ETV6: variants seen among roughly 807,000 people sequenced by gnomAD.
The protein encoded by ETV6 is transcription factor ETV6.
ETV6 carries 16 observed loss-of-function variants against 51.1 expected under a neutral mutation model. That is an observed-to-expected ratio of 0.31 (90% confidence interval 0.21 to 0.48). The LOEUF (loss-of-function observed/expected upper bound fraction) is 0.48. Ranked by LOEUF, ETV6 falls within the 20% of genes least tolerant of loss-of-function variation. The pLI is 0.99. For missense variants in ETV6, 458 were observed against 594.8 expected, an observed-to-expected ratio of 0.77 and a Z score of 2.39; for synonymous variants, 240 against 224.1, an observed-to-expected ratio of 1.07 and a Z score of -0.64.
At chr12:11,882,950 C>T (rs1053163985) in intron 5 of ETV6, among the ~76,000 whole-genome samples, 1 of 152,224 alleles carries the variant, frequency 6.6e-6, no homozygotes, top group African/African-American at 2.4e-5. Context: ...CTTGTGACCT[C>T]AGGCAAGTTA....
intron 2 of ETV6, among the ~76,000 whole-genome samples, chr12:11,799,665 C>T (rs149664004): frequency 3.5e-4 from 53 of 152,308 alleles, no homozygotes; most frequent in South Asian, 2.9e-3. Flanking sequence ...AATGCCATTA[C>T]GAAATGAAGT....
At chr12:11,812,620 G>T (rs189034970) in intron 2 of ETV6, among the ~76,000 whole-genome samples, 2 of 152,114 alleles carry the variant, frequency 1.3e-5, no homozygotes, top group South Asian at 2.1e-4. Flanking sequence ...TCTTACCAGA[G>T]GCGGGTCTCT....
chr12:11,852,791 C>G (rs375138950), intron 3 of ETV6, among the ~76,000 whole-genome samples: 3 of 152,362 alleles, frequency 2.0e-5, no homozygotes, highest in African/African-American at 7.2e-5. Flanking sequence ...AAGCCCGCTT[C>G]TAACTATAGA....
intron 2 of ETV6, among the ~76,000 whole-genome samples, chr12:11,761,636 C>T (rs941826282): frequency 2.2e-4 from 34 of 152,230 alleles, no homozygotes; most frequent in African/African-American, 8.0e-4. Context: ...ACCCACATGG[C>T]ATGTGTGCCA....
At chr12:11,729,030 T>C (rs1268292590) in intron 1 of ETV6, among the ~76,000 whole-genome samples, 1 of 152,256 alleles carries the variant, frequency 6.6e-6, no homozygotes, top group African/African-American at 2.4e-5. Context: ...CACTTTGACA[T>C]ACATTCTCTA....
At chr12:11,752,134 A>T (rs770665697) in intron 1 of ETV6, among the ~76,000 whole-genome samples, 1 of 152,126 alleles carries the variant, frequency 6.6e-6, no homozygotes, top group African/African-American at 2.4e-5. Flanking sequence ...ATTCTCGCGG[A>T]CGTATTTTTT....
At chr12:11,737,459 G>A (rs748621672) in intron 1 of ETV6, among the ~76,000 whole-genome samples, 32 of 152,230 alleles carry the variant, frequency 2.1e-4, no homozygotes, top group Non-Finnish European at 4.7e-4. Context: ...GGGTCATATG[G>A]AGATTTTTAT....
intron 2 of ETV6, among the ~76,000 whole-genome samples, chr12:11,824,477 A>G (rs1946124870): frequency 6.6e-6 from 1 of 152,172 alleles, no homozygotes; most frequent in African/African-American, 2.4e-5. Context: ...GAGTAGAGGC[A>G]CATTGAAAAG....
chr12:11,756,558 A>G (rs556245989), intron 2 of ETV6, among the ~76,000 whole-genome samples: 17 of 152,214 alleles, frequency 1.1e-4, no homozygotes, highest in African/African-American at 3.1e-4. Flanking sequence ...AGGACCCCCA[A>G]GGGTGCCCAG....
At chr12:11,774,014 C>T (rs867753559) in intron 2 of ETV6, among the ~76,000 whole-genome samples, 2 of 152,074 alleles carry the variant, frequency 1.3e-5, no homozygotes, top group African/African-American at 4.8e-5. Flanking sequence ...TGGCTGTTGC[C>T]ATCACACAAC....
intron 1 of ETV6, among the ~76,000 whole-genome samples, chr12:11,742,456 T>C (rs1664836753): frequency 6.6e-6 from 1 of 152,196 alleles, no homozygotes; most frequent in Admixed American, 6.5e-5. Context: ...GCCAAGGTGA[T>C]TATGACTTCT....
intron 5 of ETV6, 130 bp downstream of exon 5, chr12:11,870,099 T>C: frequency 2.9e-6 from 3 of 1,047,760 alleles, no homozygotes; most frequent in Non-Finnish European, 4.0e-6. Flanking sequence ...CTGAGGGCAA[T>C]TGGAGGCTTC....
chr12:11,735,715 C>T (rs569491747), intron 1 of ETV6, among the ~76,000 whole-genome samples: 1 of 152,338 alleles, frequency 6.6e-6, no homozygotes, highest in South Asian at 2.1e-4. Flanking sequence ...ATTCTCGTCT[C>T]AGCCTCTTGA....
At chr12:11,824,661 C>T (rs1032570992) in intron 2 of ETV6, among the ~76,000 whole-genome samples, 1 of 152,188 alleles carries the variant, frequency 6.6e-6, no homozygotes, top group Non-Finnish European at 1.5e-5. Flanking sequence ...TGCCTGTAAT[C>T]CCAGCTATTC....
intron 1 of ETV6, among the ~76,000 whole-genome samples, chr12:11,668,166 G>C (rs892301854): frequency 2.1e-5 from 3 of 142,962 alleles, no homozygotes; most frequent in African/African-American, 7.8e-5. Context: ...ACAACTATAG[G>C]TCTGTTGGAC....
At chr12:11,805,339 T>C (rs981622628) in intron 2 of ETV6, among the ~76,000 whole-genome samples, 4 of 152,240 alleles carry the variant, frequency 2.6e-5, no homozygotes, top group African/African-American at 9.6e-5. Context: ...CTCCCTCAAC[T>C]GCCATTGTTT....
intron 1 of ETV6, chr12:11,751,957 G>A (rs1160444564): frequency 2.7e-6 from 1 of 372,530 alleles, no homozygotes; most frequent in Non-Finnish European, 5.4e-6. Context: ...ACTTATCTTT[G>A]AAGCTGTCAC....
chr12:11,840,530 C>T (rs1179710536), intron 3 of ETV6: 5 of 455,828 alleles, frequency 1.1e-5, no homozygotes, highest in Non-Finnish European at 2.2e-5. Context: ...TCCCTAACTA[C>T]GTTCAACCTT....
chr12:11,755,948 A>G (rs1378327459), intron 2 of ETV6, among the ~76,000 whole-genome samples: 1 of 152,068 alleles, frequency 6.6e-6, no homozygotes, highest in Non-Finnish European at 1.5e-5. Context: ...AAATCAACTT[A>G]TATTCTTGTG....
Sources: allele counts gnomAD v4.1 joint callset (sites outside exome capture counted in the v4.1 genomes callset), GRCh38; gene constraint gnomAD v4.1.1; transcripts MANE v1.5; gene names NCBI Gene and HGNC (gene_info 2026-07-23, HGNC 2026-07-21).